Variants in ETV6 observed in about 807,000 individuals in gnomAD.
The protein encoded by ETV6 is transcription factor ETV6.
A neutral mutation model predicts 51.1 loss-of-function variants in ETV6; 16 were observed. The observed-to-expected ratio is 0.31, with a 90% CI of 0.21 to 0.48. The LOEUF is 0.48. Ranked by LOEUF, ETV6 falls within the 20% of genes least tolerant of loss-of-function variation. The pLI is 0.99. For synonymous variants in ETV6, 240 were observed against 224.1 expected (o/e 1.07, Z -0.64); for missense variants, 458 against 594.8 (o/e 0.77, Z 2.39).
chr12:11,797,583 C>A (rs1945697441), intron 2 of ETV6, among the ~76,000 whole-genome samples: 1 of 152,156 alleles, frequency 6.6e-6, no homozygotes, highest in African/African-American at 2.4e-5. Flanking sequence ...AGGTGGCAGA[C>A]AAGGGCACAG....
At chr12:11,740,302 T>TA (rs1218698001) in intron 1 of ETV6, among the ~76,000 whole-genome samples, 2 of 152,342 alleles carry the variant, frequency 1.3e-5, no homozygotes, top group Non-Finnish European at 2.9e-5. Flanking sequence ...TTCAACCCTA[T>TA]AAGCTCCAAG....
chr12:11,734,300 G>A (rs1458409717), intron 1 of ETV6, among the ~76,000 whole-genome samples: 6 of 152,080 alleles, frequency 3.9e-5, no homozygotes, highest in Admixed American at 2.6e-4. Flanking sequence ...GCGCTGCTGA[G>A]CCATCTCGGA....
At chr12:11,840,615 A>G in intron 3 of ETV6, 1 of 419,912 alleles carries the variant, frequency 2.4e-6, no homozygotes, top group South Asian at 1.7e-5. Flanking sequence ...ACAGGAGATG[A>G]GATAAAGCCC....
At chr12:11,670,746 TG>T (rs374087980) in intron 1 of ETV6, among the ~76,000 whole-genome samples, 119 of 152,354 alleles carry the variant, frequency 7.8e-4, no homozygotes, top group African/African-American at 2.7e-3. Context: ...ATTCTTTCTT[TG>T]TAAATGAGAA....
chr12:11,652,707 A>G (rs1163045198), intron 1 of ETV6, among the ~76,000 whole-genome samples: 2 of 152,156 alleles, frequency 1.3e-5, no homozygotes, highest in African/African-American at 4.8e-5. Context: ...CACAGAGGGA[A>G]GTACTTTGTT....
chr12:11,712,961 C>G (rs1290826346), intron 1 of ETV6, among the ~76,000 whole-genome samples: 1 of 152,208 alleles, frequency 6.6e-6, no homozygotes. Flanking sequence ...CTTTCCTTCT[C>G]TCTCCTCACT....
rs1037276235 is a variant in ETV6 at position 11,894,677 on chromosome 12, C to G, written c.*3631C>G. The G allele has an allele frequency of 4.3e-6, 1 of 233,244 alleles. No homozygotes were observed. The highest frequency in any genetic ancestry group is 6.0e-5 in the East Asian group (1 of 16,582). The allele number at this position is 233,244 out of a possible 1,614,324, so 14.4% of individuals were successfully genotyped here. A position where few individuals can be genotyped will look rare whatever the true frequency, so the allele number is the denominator to read the frequency against. The stretch of plus-strand genomic sequence containing the variant: ...ATGATGAAGTAACCACCATTCCCAC[C>G]TTTCACTGCCTAGGCTCCAAGTCTG... On this transcript the variant is annotated 3_prime_UTR_variant, in exon 8 of 8. Transcript: ENST00000396373.
intron 1 of ETV6, among the ~76,000 whole-genome samples, chr12:11,668,448 G>A (rs1055087846): frequency 2.0e-5 from 3 of 151,632 alleles, no homozygotes; most frequent in Middle Eastern, 3.4e-3. Context: ...AGGATATGCC[G>A]TTATATTCTA....
intron 1 of ETV6, among the ~76,000 whole-genome samples, chr12:11,711,383 C>G (rs1273174982): frequency 6.6e-6 from 1 of 152,222 alleles, no homozygotes; most frequent in Non-Finnish European, 1.5e-5. Context: ...CTAGGAGTTT[C>G]TTTGCCTGTG....
intron 1 of ETV6, among the ~76,000 whole-genome samples, chr12:11,690,381 T>C (rs538130720): frequency 6.6e-6 from 1 of 152,250 alleles, no homozygotes; most frequent in South Asian, 2.1e-4. Flanking sequence ...TATTGGACTT[T>C]ATATGCAAAG....
intron 1 of ETV6, among the ~76,000 whole-genome samples, chr12:11,742,847 C>T (rs2121027162): frequency 7.3e-6 from 1 of 137,628 alleles, no homozygotes; most frequent in Middle Eastern, 5.1e-3. Flanking sequence ...TGCTCTGTCG[C>T]CCTGGCTGGA....
At chr12:11,779,950 T>C (rs1209415233) in intron 2 of ETV6, among the ~76,000 whole-genome samples, 1 of 152,256 alleles carries the variant, frequency 6.6e-6, no homozygotes, top group Non-Finnish European at 1.5e-5. Flanking sequence ...AATAAAGCTT[T>C]ATGCAATTAC....
At chr12:11,801,521 A>C (rs905431405) in intron 2 of ETV6, among the ~76,000 whole-genome samples, 2 of 152,256 alleles carry the variant, frequency 1.3e-5, no homozygotes, top group Admixed American at 1.3e-4. Context: ...TGGCCCTCCA[A>C]GGGCATACCT....
chr12:11,682,171 A>G (rs890582132), intron 1 of ETV6, among the ~76,000 whole-genome samples: 4 of 152,204 alleles, frequency 2.6e-5, no homozygotes, highest in African/African-American at 9.7e-5. Flanking sequence ...GAACTAATTT[A>G]CACTCCCACC....
chr12:11,854,959 C>G (rs2238124), intron 4 of ETV6, among the ~76,000 whole-genome samples: 76,391 of 151,608 alleles, frequency 0.5, 20,637 homozygotes, highest in East Asian at 0.81. Flanking sequence ...GGCCCTGGAC[C>G]TAGTTCCAGA....
intron 2 of ETV6, among the ~76,000 whole-genome samples, chr12:11,834,981 C>A (rs1946294636): frequency 6.6e-6 from 1 of 152,110 alleles, no homozygotes; most frequent in African/African-American, 2.4e-5. Context: ...CTCCTGTCTC[C>A]CAACATGTTT....
At position 11,675,043 on chromosome 12, in the gene ETV6, CT is replaced by C. The variant is rs1278773698; in HGVS notation, c.33+24888del. Among the ~76,000 whole-genome samples, 3 of 152,342 alleles carry C rather than the reference CT, an allele frequency of 2.0e-5. No individual in the cohort carries two copies. In the South Asian group the frequency reaches 6.2e-4, roughly 32 times the overall value. On this transcript the variant is annotated intron_variant, in intron 1 of 7. Transcript: ENST00000396373. The stretch of plus-strand genomic sequence containing the variant: ...GTCAGCTCCCTGAGACAGGCCTTGT[CT>C]TTTTGCACGCATATGTCTGTTAATA...
intron 1 of ETV6, among the ~76,000 whole-genome samples, chr12:11,709,630 A>G (rs187516517): frequency 1.1e-4 from 16 of 152,332 alleles, no homozygotes; most frequent in African/African-American, 3.6e-4. Flanking sequence ...CATATGTATG[A>G]TCAGATATTC....
intron 1 of ETV6, among the ~76,000 whole-genome samples, chr12:11,737,175 G>T (rs1377654209): frequency 1.3e-5 from 2 of 152,176 alleles, no homozygotes; most frequent in African/African-American, 4.8e-5. Flanking sequence ...ACAAGACCTA[G>T]ATCCAGACTG....
Sources: gnomAD v4.1 joint callset for allele counts (sites outside exome capture counted in the v4.1 genomes callset) on GRCh38, gnomAD v4.1.1 for gene constraint, MANE v1.5 for transcripts, NCBI Gene and HGNC (gene_info 2026-07-23, HGNC 2026-07-21) for gene names.